LMO3: variants seen among roughly 807,000 people sequenced by gnomAD.
LMO3 encodes LIM domain only 3.
LMO3 carries 2 observed loss-of-function variants against 15.8 expected under a neutral mutation model. The ratio of observed to expected loss-of-function variants is 0.13; its 90% CI spans 0.05 to 0.40. The LOEUF (loss-of-function observed/expected upper bound fraction) is 0.40, where lower values mean the gene tolerates loss of function less well. Ranked by LOEUF, LMO3 falls within the 10% of genes least tolerant of loss-of-function variation. LMO3 has a pLI of 0.99. For missense variants in LMO3, 86 were observed against 182.2 expected (o/e 0.47, Z 3.04); for synonymous variants, 62 against 63.8 (o/e 0.97, Z 0.13).
Position 16,551,242 on chromosome 12 carries a change from A to G in LMO3, c.418T>C (p.Tyr140His). 1 of 1,610,502 alleles carries G rather than the reference A, an allele frequency of 6.2e-7. No individual in the cohort carries two copies. The highest frequency in any genetic ancestry group is 8.5e-7 in the Non-Finnish European group (1 of 1,176,792). ...ATAGATCAGCGAACCTGGGGTGCAT[A>G]ACCTTCTTTCATTAAACCTTCCTCG... Reference protein sequence around the residue: ...DYEEGLMKEGYAPQVR With the variant: ...DYEEGLMKEGHAPQVR The change falls in exon 4 of 4, where the codon TAT becomes CAT. Residue 140 changes from tyrosine (Y) to histidine (H), a missense_variant. Tyr to His is a moderately conservative substitution (Grantham distance 83). Transcript: ENST00000537304.
upstream of LMO3, chr12:16,607,873 T>A (rs530524055): frequency 6.6e-6 from 1 of 152,178 alleles, no homozygotes; most frequent in East Asian, 1.9e-4. Context: ...TGAAGGCTCA[T>A]AATAAAATAG....
In LMO3 at chr12:16,604,794, CAGAA is replaced by C; in HGVS notation, c.-9+1268_-9+1271del. On this transcript the variant is annotated intron_variant, in intron 1 of 3. Transcript: ENST00000537304. The surrounding 1 kb of genome is among the most constrained non-coding windows in gnomAD (Gnocchi z 5.3). Reference sequence around the variant, plus strand: ...GAAAGACACAAAAGCAGCGGAAAAGCAGAAAGGCTTTTGAGCGGCCAGGAGTGCA... The same window carrying C: ...GAAAGACACAAAAGCAGCGGAAAAGCAGGCTTTTGAGCGGCCAGGAGTGCA... The C allele has an allele frequency of 6.6e-7, 1 of 1,517,240 alleles. No individual in the cohort carries two copies. The allele number at this position is 1,517,240 out of a possible 1,614,324, so 94.0% of individuals were successfully genotyped here.
Position 16,591,253 on chromosome 12 carries a change from C to T in LMO3, c.206+9402G>A, listed in dbSNP as rs1468464238. The stretch of plus-strand genomic sequence containing the variant: ...TTCAAACATATGAGAAAAACTCCCA[C>T]CTCAGGGCCTTTGTACTGGATGTTC... On this transcript the variant is annotated intron_variant, in intron 2 of 3. Transcript: ENST00000537304. This position sits in a 1 kb window ranked among gnomAD's most constrained non-coding sequence, Gnocchi z 4.1. Among the ~76,000 whole-genome samples, 2 of 151,986 alleles carry T rather than the reference C, an allele frequency of 1.3e-5. No individual in the cohort carries two copies. Among genetic ancestry groups the T allele is most frequent in the Admixed American group, 6.6e-5 (1 of 15,240 alleles).
In LMO3 at chr12:16,606,049, A is replaced by T; in HGVS notation, c.-9+17T>A. ...CACAAATAAGCCGACGCGTGTGTACACAGTTGCTGCACTTACCTTCTCAAT... is the reference window on the plus strand; with the variant it reads ...CACAAATAAGCCGACGCGTGTGTACTCAGTTGCTGCACTTACCTTCTCAAT... On this transcript the variant is annotated intron_variant, in intron 1 of 3. Transcript: ENST00000537304. 1.7e-6 allele frequency: 1 copy of T among 572,956 alleles called. No homozygotes were observed. Among genetic ancestry groups the T allele is most frequent in the Admixed American group, 3.0e-5 (1 of 32,906 alleles). 35.5% of individuals were successfully genotyped at this position (572,956 alleles called of 1,614,324 possible).
intron 2 of LMO3, chr12:16,594,058 A>G (rs1170870618): frequency 1.6e-5 from 21 of 1,313,002 alleles, no homozygotes; most frequent in Non-Finnish European, 2.2e-5. Flanking sequence ...TCCTGTAAGA[A>G]TAGATGAGTG....
At chr12:16,607,909 T>A (rs908648041), upstream of LMO3, 2 of 152,182 alleles carry the variant, frequency 1.3e-5, no homozygotes, top group Non-Finnish European at 2.9e-5. Flanking sequence ...CCTCTCCCTT[T>A]AAAAGGCAAC....
At position 16,586,572 on chromosome 12, in the gene LMO3, C is replaced by A. The variant is rs1222584964; in HGVS notation, c.206+14083G>T. On this transcript the variant is annotated intron_variant, in intron 2 of 3. Coordinates refer to ENST00000537304, the MANE Select transcript of LMO3 (RefSeq NM_018640.5). This position sits in a 1 kb window ranked among gnomAD's most constrained non-coding sequence, Gnocchi z 4.3. The stretch of plus-strand genomic sequence containing the variant: ...CCAACTGAATTCTGGAGGACATATG[C>A]AAAGACACTGCATTTCATCTTTGGA... Among the ~76,000 whole-genome samples, 1 of 152,158 alleles carries A rather than the reference C, an allele frequency of 6.6e-6. No homozygotes were observed. The highest frequency in any genetic ancestry group is 1.5e-5 in the Non-Finnish European group (1 of 68,024).
rs566589681 is a variant in LMO3 at position 16,586,698 on chromosome 12, G to A, written c.206+13957C>T. On this transcript the variant is annotated intron_variant, in intron 2 of 3. Coordinates refer to ENST00000537304, the MANE Select transcript of LMO3 (RefSeq NM_018640.5). The surrounding 1 kb of genome is among the most constrained non-coding windows in gnomAD (Gnocchi z 4.3). ...AGAGATTTCAAGATACACATCTTTT[G>A]ACCCCCCATTGCAGTAGATGATGTT... Among the ~76,000 whole-genome samples the A allele has an allele frequency of 1.3e-5, 2 of 152,272 alleles. No individual in the cohort carries two copies. The highest frequency in any genetic ancestry group is 4.1e-4 in the South Asian group (2 of 4,830).
chr12:16,600,600 CA>C, intron 2 of LMO3, 54 bp downstream of exon 2: 1 of 1,473,934 alleles, frequency 6.8e-7, no homozygotes, highest in Non-Finnish European at 9.5e-7. Context: ...AATACACTTA[CA>C]AAAGTACTTT....
intron 2 of LMO3, chr12:16,567,658 A>G (rs1365337447): frequency 6.6e-6 from 1 of 152,226 alleles, no homozygotes; most frequent in African/African-American, 2.4e-5. Flanking sequence ...ATATGGTAGT[A>G]GTCTGCTTGG....
chr12:16,567,769 A>C (rs1312412630), intron 2 of LMO3, among the ~76,000 whole-genome samples: 1 of 152,004 alleles, frequency 6.6e-6, no homozygotes, highest in Non-Finnish European at 1.5e-5. Flanking sequence ...GTATTTTAAG[A>C]GAATCCTCAG....
chr12:16,581,995 T>C (rs1943174395), intron 2 of LMO3, among the ~76,000 whole-genome samples: 1 of 152,094 alleles, frequency 6.6e-6, no homozygotes, highest in Non-Finnish European at 1.5e-5. Flanking sequence ...TTCGTTTTCT[T>C]ATCTTATTAC....
In LMO3 at chr12:16,576,437, C is replaced by G. The variant is rs972133813; in HGVS notation, c.207-15899G>C. ...ATCTATTCTTCCTGGAAGACTACTG[C>G]TGCTTTTTTTTCATATTCAGATCAA... is the stretch of plus-strand genomic sequence containing the variant. On this transcript the variant is annotated intron_variant, in intron 2 of 3. Coordinates refer to ENST00000537304, the MANE Select transcript of LMO3 (RefSeq NM_018640.5). The surrounding 1 kb of genome is among the most constrained non-coding windows in gnomAD (Gnocchi z 4.1). Among the ~76,000 whole-genome samples, 3 of 152,218 alleles carry G rather than the reference C, an allele frequency of 2.0e-5. No individual in the cohort carries two copies. The highest frequency in any genetic ancestry group is 4.8e-5 in the African/African-American group (2 of 41,460).
At chr12:16,564,575 G>T (rs538832788) in intron 2 of LMO3, among the ~76,000 whole-genome samples, 15 of 152,268 alleles carry the variant, frequency 9.9e-5, no homozygotes, top group African/African-American at 3.6e-4. Flanking sequence ...TTATTTCACA[G>T]CACCAGATGT....
chr12:16,551,784 T>C (rs537620271), intron 3 of LMO3, among the ~76,000 whole-genome samples: 60 of 152,090 alleles, frequency 3.9e-4, no homozygotes, highest in Non-Finnish European at 8.1e-4. Flanking sequence ...AATTAGAAAA[T>C]AGCCTATTTT....
chr12:16,579,825 T>C (rs1943103091), intron 2 of LMO3, among the ~76,000 whole-genome samples: 1 of 152,222 alleles, frequency 6.6e-6, no homozygotes, highest in African/African-American at 2.4e-5. Flanking sequence ...AATGTAGAAG[T>C]GATAGGATGA....
chr12:16,594,373 G>C (rs561463420), intron 2 of LMO3: 4 of 954,028 alleles, frequency 4.2e-6, no homozygotes, highest in Non-Finnish European at 2.9e-6. Flanking sequence ...CATTTATAGA[G>C]ACATGGCTAA....
intron 2 of LMO3, among the ~76,000 whole-genome samples, chr12:16,569,295 C>T (rs1942727603): frequency 6.6e-6 from 1 of 152,142 alleles, no homozygotes; most frequent in Non-Finnish European, 1.5e-5. Context: ...CACTATACTT[C>T]TTTGTTTTTC....
chr12:16,551,316 C>A lies in LMO3; in HGVS notation c.344G>T (p.Gly115Val). The A allele has an allele frequency of 6.2e-7, 1 of 1,600,088 alleles. No homozygotes were observed. The highest frequency in any genetic ancestry group is 8.6e-7 in the Non-Finnish European group (1 of 1,167,462). Reference protein sequence around the residue: ...CQLCNQRFCVGDKFFLKNNMI... With the variant: ...CQLCNQRFCVVDKFFLKNNMI... ...GTTATTCTTTAGGAAAAATTTGTCT[C>A]CAACACAAAATCTGAAAATATTTTA... The change falls in exon 4 of 4, where the codon GGA (glycine) becomes GTA (valine). Residue 115 changes from glycine to valine, a missense_variant. By Grantham distance (109) the Gly-to-Val change is moderately radical (BLOSUM62 -3). This residue lies in a region of LMO3 where 51 missense variants were observed against 140.3 expected (regional missense o/e 0.36). Coordinates refer to ENST00000537304, the MANE Select transcript of LMO3 (RefSeq NM_018640.5).
Sources: allele counts gnomAD v4.1 joint callset (sites outside exome capture counted in the v4.1 genomes callset), GRCh38; gene constraint gnomAD v4.1.1; regional missense constraint gnomAD v4.1.1; non-coding constraint Gnocchi (gnomAD v3.1); transcripts MANE v1.5; gene names NCBI Gene and HGNC (gene_info 2026-07-23, HGNC 2026-07-21).